HACD2: variants seen among roughly 807,000 people sequenced by gnomAD.
HACD2 encodes the protein 3-hydroxyacyl-CoA dehydratase 2, also known as very-long-chain (3R)-3-hydroxyacyl-CoA dehydratase 2.
In HACD2, 15 loss-of-function variants were observed where a neutral mutation model predicts 31.0. That is an observed-to-expected ratio of 0.48 (90% CI 0.32 to 0.75). The LOEUF (loss-of-function observed/expected upper bound fraction) is 0.75. HACD2 is among the 30% of genes least tolerant of loss of function. HACD2 has a pLI of 0.03. For missense variants in HACD2, 283 were observed against 313.0 expected (o/e 0.90, Z 0.72); for synonymous variants, 115 against 122.2 (o/e 0.94, Z 0.39).
Position 123,584,974 on chromosome 3 carries a change from G to A in HACD2, c.54C>T (p.Gly18=). 1 of 1,524,270 alleles carries A rather than the reference G, an allele frequency of 6.6e-7. No homozygotes were observed. Among genetic ancestry groups the A allele is most frequent in the Non-Finnish European group, 8.8e-7 (1 of 1,136,668 alleles). The allele number at this position is 1,524,270 out of a possible 1,614,324, so 94.4% of individuals were successfully genotyped here. The change falls in exon 1 of 7, where the codon GGC becomes GGT. Residue 18 remains glycine (G), a synonymous_variant. Transcript: ENST00000383657. ...AAAKGNGGGG[G]RAGAGDASGT... is the part of the protein sequence containing the mutation. ...CGCTGGCGTCCCCGGCCCCGGCCCT[G>A]CCACCGCCGCCCCCATTCCCCTTCG...
chr3:123,572,360 T>C (rs1274209617), intron 2 of HACD2, among the ~76,000 whole-genome samples: 1 of 152,044 alleles, frequency 6.6e-6, no homozygotes, highest in Non-Finnish European at 1.5e-5. Flanking sequence ...TTTTAAAAAC[T>C]AGCTGGGCCT....
chr3:123,560,671 G>C (rs1055168109), intron 3 of HACD2, among the ~76,000 whole-genome samples: 4 of 152,182 alleles, frequency 2.6e-5, no homozygotes, highest in African/African-American at 9.6e-5. Context: ...TAGAAGCTGC[G>C]CCAGCCCCCA....
intron 3 of HACD2, among the ~76,000 whole-genome samples, chr3:123,546,201 C>T (rs1284350224): frequency 1.3e-5 from 2 of 152,128 alleles, no homozygotes; most frequent in South Asian, 2.1e-4. Context: ...GATTCCAACA[C>T]TAAAGATATA....
At chr3:123,552,269 G>A (rs760132302) in intron 3 of HACD2, among the ~76,000 whole-genome samples, 3 of 152,156 alleles carry the variant, frequency 2.0e-5, no homozygotes, top group Non-Finnish European at 4.4e-5. Context: ...AGGAAGAAAT[G>A]AGTAAAAAAG....
intron 2 of HACD2, among the ~76,000 whole-genome samples, chr3:123,577,569 C>T (rs1246441721): frequency 6.8e-6 from 1 of 148,008 alleles, no homozygotes; most frequent in Non-Finnish European, 1.5e-5. Context: ...TGCAGTGAGC[C>T]GAGATCGCGC....
chr3:123,542,130 G>T (rs2107720946), intron 3 of HACD2, among the ~76,000 whole-genome samples: 2 of 90,274 alleles, frequency 2.2e-5, no homozygotes. Context: ...CTGGGCGACA[G>T]AGCGAGACTC....
rs2057013475 is a variant in HACD2, at chr3:123,584,971, C to G, written c.57G>C (p.Arg19Ser). The G allele has an allele frequency of 2.0e-6, 3 of 1,526,682 alleles. No homozygotes were observed. The African/African-American group carries it at 4.3e-5, about 22-fold the overall frequency. 94.6% of individuals were successfully genotyped at this position (1,526,682 alleles called of 1,614,324 possible). Residue 19 changes from arginine to serine, a missense_variant, in exon 1 of 7, where the codon AGG (arginine) becomes AGC (serine). Physicochemically the swap from Arg to Ser is moderately radical, Grantham distance 110. Coordinates refer to ENST00000383657, the MANE Select transcript of HACD2 (RefSeq NM_198402.5). ...AAKGNGGGGG[R>S]AGAGDASGTR... ...TGCCGCTGGCGTCCCCGGCCCCGGC[C>G]CTGCCACCGCCGCCCCCATTCCCCT...
At chr3:123,580,166 CAAAAAAAAAAA>C (rs60618268) in intron 2 of HACD2, among the ~76,000 whole-genome samples, 1 of 123,892 alleles carries the variant, frequency 8.1e-6, no homozygotes, top group Non-Finnish European at 1.9e-5. Context: ...GGCCCTGTGT[CAAAAAAAAAAA>C]AGAAAAAAGA....
At position 123,564,108 on chromosome 3, in the gene HACD2, C is replaced by A. The variant is rs961433329; in HGVS notation, c.292+3654G>T. On this transcript the variant is annotated intron_variant, in intron 3 of 6. Transcript: ENST00000383657. ...ACAAGGTCTCGTCTGGGATGAATGA[C>A]TGAATGGCTGGTGGCCGGCGGCAGC... Among the ~76,000 whole-genome samples the A allele has an allele frequency of 3.3e-5, 5 of 152,354 alleles. No homozygotes were observed. In the South Asian group the frequency reaches 6.2e-4, roughly 19 times the overall value.
intron 3 of HACD2, among the ~76,000 whole-genome samples, chr3:123,534,730 A>C (rs1576758162): frequency 6.6e-6 from 1 of 151,908 alleles, no homozygotes; most frequent in South Asian, 2.1e-4. Context: ...CGAAGACCTT[A>C]AAGTGGGACA....
intron 3 of HACD2, among the ~76,000 whole-genome samples, chr3:123,540,014 TCTGAGG>T (rs2056470365): frequency 7.1e-6 from 1 of 140,810 alleles, no homozygotes; most frequent in African/African-American, 2.7e-5. Flanking sequence ...TGAGCCTGAG[TCTGAGG>T]CTACAATGAG....
intron 2 of HACD2, among the ~76,000 whole-genome samples, chr3:123,579,678 C>T (rs2056945073): frequency 1.3e-5 from 2 of 152,092 alleles, no homozygotes; most frequent in South Asian, 4.1e-4. Context: ...CAAATGGGGA[C>T]AACCCCCTAC....
chr3:123,526,239 G>A (rs574646950), intron 4 of HACD2, among the ~76,000 whole-genome samples: 1 of 152,180 alleles, frequency 6.6e-6, no homozygotes, highest in African/African-American at 2.4e-5. Flanking sequence ...ACAGCAACAG[G>A]CTTTTCAAGT....
chr3:123,530,049 T>C (rs1375388048), intron 3 of HACD2, among the ~76,000 whole-genome samples: 4 of 152,188 alleles, frequency 2.6e-5, no homozygotes, highest in African/African-American at 9.7e-5. Context: ...TCTATTATAA[T>C]AGACCTATTT....
At chr3:123,540,895 T>G (rs1297246116) in intron 3 of HACD2, among the ~76,000 whole-genome samples, 1 of 152,196 alleles carries the variant, frequency 6.6e-6, no homozygotes, top group East Asian at 1.9e-4. Flanking sequence ...GATAAAAAAA[T>G]TATTAGTATT....
rs78378174 is a variant in HACD2, at chr3:123,575,917, G to A, written c.273+6295C>T. 8.6e-4 allele frequency among the ~76,000 whole-genome samples: 131 copies of A among 152,284 alleles called. 7 individuals are homozygous for A. The East Asian group carries it at 0.025, about 29-fold the overall frequency. On this transcript the variant is annotated intron_variant, in intron 2 of 6. Coordinates refer to ENST00000383657, the MANE Select transcript of HACD2 (RefSeq NM_198402.5). ...TGAGGTGGCCTTTCAGTTCAGCAAAGTTTTCTATAACTTTTCTCCCTGATT... is the reference window on the plus strand; with the variant it reads ...TGAGGTGGCCTTTCAGTTCAGCAAAATTTTCTATAACTTTTCTCCCTGATT...
rs185430059 is a variant in HACD2, at chr3:123,562,926, T to C, written c.292+4836A>G. Among the ~76,000 whole-genome samples the C allele has an allele frequency of 3.9e-5, 6 of 152,342 alleles. No individual in the cohort carries two copies. The East Asian group carries it at 1.2e-3, about 29-fold the overall frequency. On this transcript the variant is annotated intron_variant, in intron 3 of 6. Coordinates refer to ENST00000383657, the MANE Select transcript of HACD2 (RefSeq NM_198402.5). ...AAGTGATCTAAGTAAAAATGAAGCA[T>C]TGCCTTTAGGTTAATGCTAGAAACA...
chr3:123,545,219 C>T (rs935053405), intron 3 of HACD2, among the ~76,000 whole-genome samples: 10 of 149,202 alleles, frequency 6.7e-5, no homozygotes, highest in African/African-American at 1.5e-4. Flanking sequence ...CAGTGGCTCA[C>T]GCCTGTAATC....
intron 6 of HACD2, among the ~76,000 whole-genome samples, chr3:123,497,087 C>T (rs2055842358): frequency 6.6e-6 from 1 of 152,206 alleles, no homozygotes; most frequent in African/African-American, 2.4e-5. Context: ...GCCTATTCTC[C>T]ACAGTTCAGG....
Sources: allele counts gnomAD v4.1 joint callset (sites outside exome capture counted in the v4.1 genomes callset), GRCh38; gene constraint gnomAD v4.1.1; transcripts MANE v1.5; gene names NCBI Gene and HGNC (gene_info 2026-07-23, HGNC 2026-07-21).